Variants in CNBD1 observed in about 807,000 individuals in gnomAD.
The protein encoded by CNBD1 is cyclic nucleotide binding domain containing 1, also known as cyclic nucleotide-binding domain-containing protein 1.
A neutral mutation model predicts 54.4 loss-of-function variants in CNBD1; 71 were observed. The ratio of observed to expected loss-of-function variants is 1.30; its 90% CI spans 1.08 to 1.59. CNBD1 has a LOEUF of 1.59. Ranked by LOEUF, CNBD1 falls within the 40% of genes most tolerant of loss-of-function variation. The pLI, the probability that CNBD1 is intolerant of heterozygous loss-of-function variation, is 0.00. For synonymous variants in CNBD1, 182 were observed against 170.7 expected (o/e 1.07, Z -0.51); for missense variants, 659 against 518.0 (o/e 1.27, Z -2.64).
At chr8:87,195,945 T>C (rs988528919) in intron 4 of CNBD1, among the ~76,000 whole-genome samples, 1 of 152,206 alleles carries the variant, frequency 6.6e-6, no homozygotes, top group Non-Finnish European at 1.5e-5. Flanking sequence ...TCTGATTTAC[T>C]GTTGTTTTTT....
intron 6 of CNBD1, among the ~76,000 whole-genome samples, chr8:87,249,481 G>A (rs1353316323): frequency 2.0e-5 from 3 of 152,080 alleles, no homozygotes; most frequent in Non-Finnish European, 4.4e-5. Context: ...CCCTTTATCT[G>A]TGGAGAAAAC....
rs542025774 is a variant in CNBD1, at chr8:87,091,214, G to A, written c.432-114779G>A. 1.4e-4 allele frequency among the ~76,000 whole-genome samples: 21 copies of A among 151,948 alleles called. 1 individual carries two copies. Among genetic ancestry groups the A allele is most frequent in the African/African-American group, 5.1e-4 (21 of 41,424 alleles). On this transcript the variant is annotated intron_variant, in intron 4 of 10. Transcript: ENST00000518476. The stretch of plus-strand genomic sequence containing the variant: ...AACCTATCTGGCTTGTAGTTACTTG[G>A]CAGATATATTTTCTTTAAGCCAATA...
chr8:87,266,332 A>T (rs1406850822), intron 6 of CNBD1, among the ~76,000 whole-genome samples: 1 of 151,446 alleles, frequency 6.6e-6, no homozygotes, highest in Non-Finnish European at 1.5e-5. Flanking sequence ...ATAAAAACAC[A>T]AAATAAAGCT....
intron 4 of CNBD1, among the ~76,000 whole-genome samples, chr8:87,120,260 G>C (rs955948336): frequency 4.6e-5 from 7 of 152,002 alleles, no homozygotes; most frequent in Non-Finnish European, 7.4e-5. Flanking sequence ...CTCGTTATTG[G>C]TCTGTTCAGG....
chr8:87,350,889 C>T (rs1362810496), intron 8 of CNBD1, among the ~76,000 whole-genome samples: 2 of 151,828 alleles, frequency 1.3e-5, no homozygotes, highest in Non-Finnish European at 2.9e-5. Context: ...TATTTTAATA[C>T]GTTGATAGTT....
chr8:86,940,068 C>T (rs1052642258), intron 4 of CNBD1, among the ~76,000 whole-genome samples: 7 of 150,732 alleles, frequency 4.6e-5, no homozygotes, highest in South Asian at 2.1e-4. Flanking sequence ...CTTGGGTTAT[C>T]GGAAGGCTCT....
Position 86,866,438 on chromosome 8 carries a change from A to G in CNBD1, c.-58A>G. On this transcript the variant is annotated 5_prime_UTR_variant, in exon 1 of 11. Coordinates refer to ENST00000518476, the MANE Select transcript of CNBD1 (RefSeq NM_173538.3). Reference sequence around the variant, plus strand: ...CTGCTTTATGAGCCTGCAGGCAAAGAGTGATCATTTGCCTCTCAAGCAGCC... The same window carrying G: ...CTGCTTTATGAGCCTGCAGGCAAAGGGTGATCATTTGCCTCTCAAGCAGCC... 1 of 1,213,536 alleles carries G rather than the reference A, an allele frequency of 8.2e-7. No individual in the cohort carries two copies. The highest frequency in any genetic ancestry group is 1.5e-5 in the African/African-American group (1 of 66,826). 75.2% of individuals were successfully genotyped at this position (1,213,536 alleles called of 1,614,324 possible).
chr8:86,962,923 G>A (rs1398555113), intron 4 of CNBD1, among the ~76,000 whole-genome samples: 1 of 152,174 alleles, frequency 6.6e-6, no homozygotes, highest in Admixed American at 6.5e-5. Context: ...GGAGTCCTGT[G>A]AAGGGGAAAA....
At chr8:87,217,701 A>C (rs1814242725) in intron 5 of CNBD1, among the ~76,000 whole-genome samples, 1 of 152,038 alleles carries the variant, frequency 6.6e-6, no homozygotes, top group Non-Finnish European at 1.5e-5. Context: ...TATTATCAGA[A>C]AGAATGACTG....
chr8:87,035,629 T>C (rs1011968483), intron 4 of CNBD1, among the ~76,000 whole-genome samples: 2 of 152,190 alleles, frequency 1.3e-5, no homozygotes, highest in Non-Finnish European at 2.9e-5. Flanking sequence ...ATTCTGTGTT[T>C]CTAAATAAAA....
intron 8 of CNBD1, among the ~76,000 whole-genome samples, chr8:87,309,776 G>A (rs1475876994): frequency 6.6e-6 from 1 of 151,960 alleles, no homozygotes; most frequent in African/African-American, 2.4e-5. Flanking sequence ...TCAAAAGCAA[G>A]TCATACTTCT....
chr8:87,206,081 C>T lies in CNBD1; in HGVS notation c.520C>T (p.His174Tyr), dbSNP rs1260045328. 6.2e-7 allele frequency: 1 copy of T among 1,605,274 alleles called. No homozygotes were observed. Among genetic ancestry groups the T allele is most frequent in the South Asian group, 1.1e-5 (1 of 90,054 alleles). Reference sequence around the variant, plus strand: ...TTTAACCTTTCAGCTAAATGATAAGCATCTGAAAACACTTAGTAAGACTGT... The same window carrying T: ...TTTAACCTTTCAGCTAAATGATAAGTATCTGAAAACACTTAGTAAGACTGT... ...PDLTFQLNDK[H>Y]LKTLSKTVFS... is the part of the protein sequence containing the mutation. The change falls in exon 5 of 11, where the codon CAT becomes TAT. Residue 174 changes from histidine (H) to tyrosine (Y), a missense_variant. Transcript: ENST00000518476.
chr8:87,251,074 A>C (rs1807906901), intron 6 of CNBD1, among the ~76,000 whole-genome samples: 1 of 152,146 alleles, frequency 6.6e-6, no homozygotes, highest in Non-Finnish European at 1.5e-5. Flanking sequence ...TTCCTATATC[A>C]AAACATCACA....
chr8:87,252,573 G>T (rs566857610), intron 6 of CNBD1, among the ~76,000 whole-genome samples: 1 of 152,206 alleles, frequency 6.6e-6, no homozygotes, highest in South Asian at 2.1e-4. Context: ...GTAAACTGAC[G>T]GCTCTGCTGA....
intron 10 of CNBD1, among the ~76,000 whole-genome samples, chr8:87,370,034 A>T (rs1030336015): frequency 6.6e-6 from 1 of 152,012 alleles, no homozygotes; most frequent in Non-Finnish European, 1.5e-5. Context: ...GATTTCATCC[A>T]TGTCCCTACA....
intron 5 of CNBD1, among the ~76,000 whole-genome samples, chr8:87,218,268 A>T (rs1294478905): frequency 6.6e-6 from 1 of 152,124 alleles, no homozygotes; most frequent in Non-Finnish European, 1.5e-5. Context: ...TGCATTAACT[A>T]GCATTGGAGG....
At chr8:87,131,508 A>G (rs1401381088) in intron 4 of CNBD1, among the ~76,000 whole-genome samples, 1 of 152,028 alleles carries the variant, frequency 6.6e-6, no homozygotes, top group Non-Finnish European at 1.5e-5. Flanking sequence ...ATATACTTGT[A>G]TATGTCAGAT....
At chr8:87,194,594 G>C (rs1198745264) in intron 4 of CNBD1, among the ~76,000 whole-genome samples, 1 of 151,734 alleles carries the variant, frequency 6.6e-6, no homozygotes, top group Non-Finnish European at 1.5e-5. Flanking sequence ...GAAAATATAA[G>C]GCTTTAACCA....
At chr8:86,969,493 C>T (rs1808170326) in intron 4 of CNBD1, among the ~76,000 whole-genome samples, 1 of 151,976 alleles carries the variant, frequency 6.6e-6, no homozygotes, top group Non-Finnish European at 1.5e-5. Flanking sequence ...GGAAATTTTA[C>T]TTAACAGTGA....
Sources: allele counts gnomAD v4.1 joint callset (sites outside exome capture counted in the v4.1 genomes callset), GRCh38; gene constraint gnomAD v4.1.1; transcripts MANE v1.5; gene names NCBI Gene and HGNC (gene_info 2026-07-23, HGNC 2026-07-21).